Variants in PCDH15 observed in about 807,000 individuals in gnomAD.
PCDH15 encodes the protein protocadherin related 15.
PCDH15 carries 129 observed loss-of-function variants against 178.5 expected under a neutral mutation model. The observed-to-expected ratio is 0.72, with a 90% CI of 0.63 to 0.84. The LOEUF is 0.84. Among genes scored for constraint, PCDH15 ranks in the 40% least tolerant of loss-of-function variants. The pLI, the probability that PCDH15 is intolerant of heterozygous loss-of-function variation, is 0.00. For synonymous variants in PCDH15, 800 were observed against 732.0 expected, an observed-to-expected ratio of 1.09 and a Z score of -1.50; for missense variants, 2,230 against 2,099.9, an observed-to-expected ratio of 1.06 and a Z score of -1.21.
chr10:53,968,561 G>T (rs1281613670), intron 21 of PCDH15, among the ~76,000 whole-genome samples: 2 of 152,156 alleles, frequency 1.3e-5, no homozygotes, highest in African/African-American at 2.4e-5. Context: ...TCCTCAAGTG[G>T]GTCCCTGACC....
chr10:54,729,612 AGAGAACCTACAAAAT>A (rs1260684393), intron 1 of PCDH15, among the ~76,000 whole-genome samples: 4 of 151,884 alleles, frequency 2.6e-5, no homozygotes, highest in Admixed American at 6.6e-5. Flanking sequence ...CAGTGTAAAT[AGAGAACCTACAAAAT>A]GGGATAAAAT....
chr10:54,457,173 A>T (rs970182992), intron 3 of PCDH15, among the ~76,000 whole-genome samples: 1 of 152,200 alleles, frequency 6.6e-6, no homozygotes, highest in Non-Finnish European at 1.5e-5. Context: ...AATTCAAAGC[A>T]CAATTTTGTA....
At chr10:54,574,193 A>C (rs958399817) in intron 2 of PCDH15, among the ~76,000 whole-genome samples, 1 of 151,002 alleles carries the variant, frequency 6.6e-6, no homozygotes, top group African/African-American at 2.4e-5. Flanking sequence ...ATCTTGAATT[A>C]ATTTTTGTAT....
chr10:55,217,214 T>C (rs1840730815), intron 1 of PCDH15, among the ~76,000 whole-genome samples: 1 of 151,880 alleles, frequency 6.6e-6, no homozygotes, highest in South Asian at 2.1e-4. Context: ...CGAAAGAAAT[T>C]TGTGAGACAG....
At chr10:54,076,473 T>C (rs1418594639) in intron 17 of PCDH15, among the ~76,000 whole-genome samples, 1 of 152,084 alleles carries the variant, frequency 6.6e-6, no homozygotes, top group Non-Finnish European at 1.5e-5. Context: ...TTTCTCTCTC[T>C]CTCTTTTCTT....
Position 54,925,888 on chromosome 10 carries a change from C to T in PCDH15, c.-79-28388G>A, listed in dbSNP as rs542308368. On this transcript the variant is annotated intron_variant, in intron 2 of 5. Transcript: ENST00000458638. ...TTTTCTAAATATAGGAGCGTGTCTTCTGCAAACAGGGATAGTTTGATTTCT... is the reference window on the plus strand; with the variant it reads ...TTTTCTAAATATAGGAGCGTGTCTTTTGCAAACAGGGATAGTTTGATTTCT... Among the ~76,000 whole-genome samples, 11 of 152,208 alleles carry T rather than the reference C, an allele frequency of 7.2e-5. No individual in the cohort carries two copies. The East Asian group carries it at 1.9e-3, about 27-fold the overall frequency.
chr10:53,980,615 C>A (rs2090557458), intron 21 of PCDH15, among the ~76,000 whole-genome samples: 1 of 152,264 alleles, frequency 6.6e-6, no homozygotes, highest in African/African-American at 2.4e-5. Context: ...CAATGTGCTT[C>A]ACATGAGCTA....
intron 2 of PCDH15, among the ~76,000 whole-genome samples, chr10:55,011,353 G>A (rs890610752): frequency 1.3e-5 from 2 of 152,086 alleles, no homozygotes; most frequent in South Asian, 2.1e-4. Context: ...TTAAAGCAAA[G>A]CTGCTTAAGA....
rs147039028 is a variant in PCDH15, at chr10:55,554,783, A to G, written c.-156+72842T>C. The stretch of plus-strand genomic sequence containing the variant: ...GTTAATTTTGATTTCCTTAGTTTCT[A>G]CCTAATGTCCTTTTATGTTCTAGTA... On this transcript the variant is annotated intron_variant, in intron 2 of 5. Coordinates refer to the PCDH15 transcript ENST00000613346. Among the ~76,000 whole-genome samples, 547 of 152,172 alleles carry G rather than the reference A, an allele frequency of 3.6e-3. 3 individuals are homozygous for G. Among genetic ancestry groups the G allele is most frequent in the African/African-American group, 0.013 (527 of 41,556 alleles).
At chr10:54,673,124 A>C (rs2094707687) in intron 1 of PCDH15, among the ~76,000 whole-genome samples, 1 of 152,086 alleles carries the variant, frequency 6.6e-6, no homozygotes, top group African/African-American at 2.4e-5. Flanking sequence ...CAGAATGTGT[A>C]GGTTTGTTAC....
chr10:54,217,674 A>C (rs1360615341), intron 9 of PCDH15, among the ~76,000 whole-genome samples: 1 of 152,222 alleles, frequency 6.6e-6, no homozygotes, highest in Admixed American at 6.5e-5. Context: ...CTGAATGCTG[A>C]AACACAGAAC....
chr10:54,147,022 T>C (rs1317388498), intron 14 of PCDH15, among the ~76,000 whole-genome samples: 2 of 146,798 alleles, frequency 1.4e-5, no homozygotes, highest in Non-Finnish European at 3.0e-5. Context: ...ATAATGTGTA[T>C]ATATACAAAT....
At chr10:55,272,090 A>C (rs1179834923) in intron 1 of PCDH15, among the ~76,000 whole-genome samples, 1 of 152,030 alleles carries the variant, frequency 6.6e-6, no homozygotes, top group Non-Finnish European at 1.5e-5. Flanking sequence ...TTTTCTATAT[A>C]CCATTCCTTA....
rs547296994 is a variant in PCDH15, at chr10:55,025,497, T to C, written c.-79-127997A>G. 5.6e-4 allele frequency among the ~76,000 whole-genome samples: 86 copies of C among 152,258 alleles called. No individual in the cohort carries two copies. The South Asian group carries it at 0.012, about 22-fold the overall frequency. ...CCATTCTTTAAAACCATATGACAAA[T>C]TGACTTTAATCATTTTGAAAATTAT... On this transcript the variant is annotated intron_variant, in intron 2 of 5. Transcript: ENST00000458638.
At chr10:55,316,006 G>C (rs774980754) in intron 1 of PCDH15, among the ~76,000 whole-genome samples, 1 of 152,008 alleles carries the variant, frequency 6.6e-6, no homozygotes, top group Admixed American at 6.6e-5. Flanking sequence ...ATAGAGCAAG[G>C]CTCCTTCTAA....
chr10:55,374,801 G>A (rs1588966060), intron 2 of PCDH15, among the ~76,000 whole-genome samples: 1 of 151,880 alleles, frequency 6.6e-6, no homozygotes. Context: ...GTGATGCACG[G>A]CAGCCATTAC....
Position 54,132,908 on chromosome 10 carries a change from G to A in PCDH15, c.1884C>T (p.Ala628=). 6.2e-7 allele frequency: 1 copy of A among 1,613,780 alleles called. No homozygotes were observed. The highest frequency in any genetic ancestry group is 8.5e-7 in the Non-Finnish European group (1 of 1,179,932). Residue 628 remains alanine, a synonymous_variant, in exon 15 of 38, where the codon GCC becomes GCT. Transcript: ENST00000644397. ...QLMYSLEISE[A]MRVGAVLLNL... Reference sequence around the variant, plus strand: ...TTAATAAAACAGCACCAACCCTCATGGCTTCACTAATTTCAAGGCTATACA... The same window carrying A: ...TTAATAAAACAGCACCAACCCTCATAGCTTCACTAATTTCAAGGCTATACA...
intron 13 of PCDH15, among the ~76,000 whole-genome samples, chr10:54,166,223 T>G (rs2046211979): frequency 6.6e-6 from 1 of 152,228 alleles, no homozygotes; most frequent in Admixed American, 6.5e-5. Flanking sequence ...TCACTTTTGA[T>G]GAATTCTCGT....
At chr10:55,329,302 G>A (rs1844131034) in intron 2 of PCDH15, among the ~76,000 whole-genome samples, 1 of 151,468 alleles carries the variant, frequency 6.6e-6, no homozygotes, top group Non-Finnish European at 1.5e-5. Context: ...AAGGCTACAT[G>A]TATTGTGAGT....
Sources: gnomAD v4.1 joint callset for allele counts (sites outside exome capture counted in the v4.1 genomes callset) on GRCh38, gnomAD v4.1.1 for gene constraint, MANE v1.5 for transcripts, NCBI Gene and HGNC (gene_info 2026-07-23, HGNC 2026-07-21) for gene names.